ADGRL2: variants seen among roughly 807,000 people sequenced by gnomAD.
ADGRL2 encodes calcium-independent alpha-latrotoxin receptor 2.
ADGRL2 carries 44 observed loss-of-function variants against 157.4 expected under a neutral mutation model. The observed-to-expected ratio is 0.28, with a 90% confidence interval of 0.22 to 0.36. ADGRL2 has a LOEUF of 0.36. Ranked by LOEUF, ADGRL2 falls within the 10% of genes least tolerant of loss-of-function variation. The probability of loss-of-function intolerance (pLI) is 1.00; values close to 1 mark genes in which losing one functional copy is unlikely to be tolerated. For missense variants in ADGRL2, 1,510 were observed against 1,768.9 expected, an observed-to-expected ratio of 0.85 and a Z score of 2.63; for synonymous variants, 585 against 624.7, an observed-to-expected ratio of 0.94 and a Z score of 0.95.
At chr1:81,525,303 A>G (rs778400214) in intron 2 of ADGRL2, among the ~76,000 whole-genome samples, 1 of 151,774 alleles carries the variant, frequency 6.6e-6, no homozygotes, top group East Asian at 1.9e-4. Flanking sequence ...AAAAATGTCA[A>G]CATGGACATT....
In ADGRL2 at chr1:81,513,679, G is replaced by A. The variant is rs1192233160; in HGVS notation, c.-247-67197G>A. 3.3e-5 allele frequency among the ~76,000 whole-genome samples: 5 copies of A among 152,086 alleles called. No individual in the cohort carries two copies. The East Asian group carries it at 9.6e-4, about 29-fold the overall frequency. On this transcript the variant is annotated intron_variant, in intron 2 of 24. Coordinates refer to the ADGRL2 transcript ENST00000370721. ...TACACTTTTTTGGTTTTGTGTTTAT[G>A]TGCAAAGATTTTAGGTTTTTAGGAA...
intron 2 of ADGRL2, among the ~76,000 whole-genome samples, chr1:81,568,596 T>C (rs188260618): frequency 2.0e-5 from 3 of 152,294 alleles, no homozygotes; most frequent in African/African-American, 7.2e-5. Flanking sequence ...ACTGATGATA[T>C]TGGTAATCCA....
At chr1:81,763,586 C>T (rs2085980020) in intron 2 of ADGRL2, among the ~76,000 whole-genome samples, 1 of 97,810 alleles carries the variant, frequency 1.0e-5, no homozygotes, top group African/African-American at 4.2e-5. Context: ...AAGATTCAGT[C>T]TCAAAAAAAA....
intron 2 of ADGRL2, among the ~76,000 whole-genome samples, chr1:81,537,175 A>T (rs533505783): frequency 7.9e-5 from 12 of 152,380 alleles, no homozygotes; most frequent in Non-Finnish European, 1.5e-4. Context: ...GTATATTTAC[A>T]TATGCATATA....
chr1:81,987,436 T>C (rs1437745913), intron 22 of ADGRL2: 3 of 818,046 alleles, frequency 3.7e-6, no homozygotes, highest in Non-Finnish European at 6.6e-6. Flanking sequence ...ATAATTTGGA[T>C]GCCTAGCTAT....
chr1:81,690,911 C>T (rs1347118685), intron 3 of ADGRL2, among the ~76,000 whole-genome samples: 1 of 152,198 alleles, frequency 6.6e-6, no homozygotes, highest in Non-Finnish European at 1.5e-5. Flanking sequence ...CAGTGGAAGC[C>T]TCAGCTACAG....
chr1:81,795,732 C>T (rs984419354), upstream of ADGRL2, among the ~76,000 whole-genome samples: 3 of 152,168 alleles, frequency 2.0e-5, no homozygotes, highest in Non-Finnish European at 2.9e-5. Flanking sequence ...GACATTGCTA[C>T]TTGGTTATCT....
intron 3 of ADGRL2, among the ~76,000 whole-genome samples, chr1:81,930,672 G>T (rs965472799): frequency 2.0e-5 from 3 of 152,258 alleles, no homozygotes; most frequent in Admixed American, 6.5e-5. Flanking sequence ...AAATATATTG[G>T]TAGGAAGTAA....
upstream of ADGRL2, among the ~76,000 whole-genome samples, chr1:81,698,576 T>A (rs1384789204): frequency 2.0e-5 from 3 of 152,134 alleles, no homozygotes; most frequent in Non-Finnish European, 1.5e-5. Context: ...ACTTTGATAT[T>A]TGAGACCAAA....
chr1:81,922,294 G>A (rs1038685115), intron 3 of ADGRL2, among the ~76,000 whole-genome samples: 8 of 152,130 alleles, frequency 5.3e-5, no homozygotes, highest in African/African-American at 1.9e-4. Context: ...CATGGAGCAT[G>A]TTCGCCAGTT....
At position 81,495,216 on chromosome 1, in the gene ADGRL2, G is replaced by A. The variant is rs190218336; in HGVS notation, c.-248+50127G>A. ...GCATATTCCCAATAAGGGAGCTTAC[G>A]TAAAAATTCCCAGAGAAAATGAATG... On this transcript the variant is annotated intron_variant, in intron 2 of 24. Coordinates refer to the ADGRL2 transcript ENST00000370721. Among the ~76,000 whole-genome samples the A allele has an allele frequency of 2.4e-3, 369 of 152,218 alleles. 1 individual carries two copies. Among genetic ancestry groups the A allele is most frequent in the Non-Finnish European group, 3.4e-3 (234 of 67,978 alleles).
At chr1:81,419,067 C>A (rs75139264) in intron 1 of ADGRL2, among the ~76,000 whole-genome samples, 240 of 152,234 alleles carry the variant, frequency 1.6e-3, no homozygotes, top group Middle Eastern at 3.4e-3. Context: ...AGCAGCAGAA[C>A]TAAAGCTCAA....
At position 81,445,312 on chromosome 1, in the gene ADGRL2, T is replaced by C. The variant is rs114394974; in HGVS notation, c.-248+223T>C. On this transcript the variant is annotated intron_variant, in intron 2 of 24. Coordinates refer to the ADGRL2 transcript ENST00000370721. ...TCTCCATGAGTCAGGTTATTCGTTG[T>C]ATGTTGCTTAAGACTGGCTGTCTAC... Among the ~76,000 whole-genome samples the C allele has an allele frequency of 5.9e-3, 905 of 152,328 alleles. 17 individuals carry two copies. Among genetic ancestry groups the C allele is most frequent in the African/African-American group, 0.02 (849 of 41,576 alleles).
chr1:81,949,028 TA>T (rs1650883285), intron 6 of ADGRL2, among the ~76,000 whole-genome samples: 1 of 152,226 alleles, frequency 6.6e-6, no homozygotes, highest in Non-Finnish European at 1.5e-5. Context: ...TGTTTTCTAA[TA>T]AATTCTAATA....
At chr1:81,838,459 T>G (rs1217534455) in intron 2 of ADGRL2, among the ~76,000 whole-genome samples, 1 of 152,114 alleles carries the variant, frequency 6.6e-6, no homozygotes, top group Non-Finnish European at 1.5e-5. Flanking sequence ...TAACATCATA[T>G]GTAATCTGTG....
chr1:81,666,360 G>A (rs1301658229), intron 3 of ADGRL2, among the ~76,000 whole-genome samples: 2 of 152,060 alleles, frequency 1.3e-5, no homozygotes, highest in African/African-American at 4.8e-5. Flanking sequence ...CACTCCTGTT[G>A]AAAATAAATA....
At chr1:81,884,267 G>A (rs560171371) in intron 2 of ADGRL2, among the ~76,000 whole-genome samples, 35 of 152,108 alleles carry the variant, frequency 2.3e-4, no homozygotes, top group Admixed American at 5.2e-4. Context: ...GAGCCACCGC[G>A]CCCATCCCAA....
chr1:81,613,977 AT>A (rs2081593538), intron 3 of ADGRL2, among the ~76,000 whole-genome samples: 1 of 152,104 alleles, frequency 6.6e-6, no homozygotes, highest in East Asian at 1.9e-4. Flanking sequence ...ATAATCTGTG[AT>A]TTTAATGTGT....
In ADGRL2 at chr1:81,454,677, G is replaced by A. The variant is rs542119584; in HGVS notation, c.-248+9588G>A. 1.0e-3 allele frequency among the ~76,000 whole-genome samples: 157 copies of A among 152,234 alleles called. 1 individual carries two copies. Among genetic ancestry groups the A allele is most frequent in the African/African-American group, 3.7e-3 (153 of 41,532 alleles). On this transcript the variant is annotated intron_variant, in intron 2 of 24. Transcript: ENST00000370721. Reference sequence around the variant, plus strand: ...CTGGTGGGAGCAATGCAAGAACATGGCAGTCAATCGACTACGAACTTGAAA... The same window carrying A: ...CTGGTGGGAGCAATGCAAGAACATGACAGTCAATCGACTACGAACTTGAAA...
Sources: allele counts gnomAD v4.1 joint callset (sites outside exome capture counted in the v4.1 genomes callset), GRCh38; gene constraint gnomAD v4.1.1; transcripts MANE v1.5; gene names NCBI Gene and HGNC (gene_info 2026-07-23, HGNC 2026-07-21).